The following KATNIP variants were observed in gnomAD, a reference collection of about 807,000 sequenced individuals.
KATNIP encodes the protein katanin-interacting protein.
Under a neutral mutation model 174.0 loss-of-function variants are expected in KATNIP, and 126 were observed. The observed-to-expected ratio is 0.72, with a 90% CI of 0.63 to 0.84. The LOEUF is 0.84. KATNIP is among the 40% of genes least tolerant of loss of function. The pLI is 0.00. For missense variants in KATNIP, 1,958 were observed against 2,109.7 expected, an observed-to-expected ratio of 0.93 and a Z score of 1.41; for synonymous variants, 810 against 835.7, an observed-to-expected ratio of 0.97 and a Z score of 0.53.
intron 3 of KATNIP, among the ~76,000 whole-genome samples, chr16:27,621,240 G>A (rs1343535998): frequency 6.6e-6 from 1 of 151,878 alleles, no homozygotes; most frequent in Admixed American, 6.6e-5. Context: ...CTATGATTAT[G>A]CCACTGCACT....
At chr16:27,642,301 CTATCGCAAGAACAA>C (rs754571103) in intron 5 of KATNIP, among the ~76,000 whole-genome samples, 51 of 152,126 alleles carry the variant, frequency 3.4e-4, no homozygotes, top group Non-Finnish European at 6.5e-4. Flanking sequence ...TCTCAGCAAA[CTATCGCAAGAACAA>C]AAAACCAAAC....
intron 1 of KATNIP, among the ~76,000 whole-genome samples, chr16:27,571,459 A>C (rs1438354710): frequency 6.6e-6 from 1 of 152,180 alleles, no homozygotes; most frequent in Non-Finnish European, 1.5e-5. Context: ...AAAAAAAAAA[A>C]AAACTATGGC....
intron 11 of KATNIP, among the ~76,000 whole-genome samples, chr16:27,701,917 T>A (rs569286766): frequency 1.3e-4 from 20 of 152,294 alleles, no homozygotes; most frequent in African/African-American, 4.3e-4. Flanking sequence ...CTCAGCCTCC[T>A]GAGTATCTGG....
intron 19 of KATNIP, among the ~76,000 whole-genome samples, chr16:27,763,619 CAAA>C (rs565418198): frequency 5.9e-5 from 3 of 50,700 alleles, no homozygotes; most frequent in East Asian, 6.4e-4. Context: ...TGTCTCAACA[CAAA>C]AAAAAAAAAA....
chr16:27,696,888 C>T (rs965323399), intron 8 of KATNIP, among the ~76,000 whole-genome samples: 7 of 152,020 alleles, frequency 4.6e-5, no homozygotes, highest in African/African-American at 1.7e-4. Flanking sequence ...GCCACTACAC[C>T]CAGCTAATTT....
chr16:27,607,946 G>A (rs1263664717), intron 2 of KATNIP, among the ~76,000 whole-genome samples: 1 of 152,086 alleles, frequency 6.6e-6, no homozygotes, highest in African/African-American at 2.4e-5. Context: ...TCTAAGTGAT[G>A]GTTCTCTGGT....
intron 14 of KATNIP, among the ~76,000 whole-genome samples, chr16:27,731,465 A>G (rs1236755553): frequency 6.6e-6 from 1 of 152,236 alleles, no homozygotes; most frequent in Non-Finnish European, 1.5e-5. Flanking sequence ...CAGCTCATTT[A>G]TTCTGCACAG....
At chr16:27,653,573 T>TTTTTAA (rs768211807) in intron 6 of KATNIP, among the ~76,000 whole-genome samples, 2,181 of 152,184 alleles carry the variant, frequency 0.014, 18 homozygotes, top group Non-Finnish European at 0.024. Flanking sequence ...ATAAATGACC[T>TTTTTAA]CTGAGTGGGT....
intron 3 of KATNIP, among the ~76,000 whole-genome samples, chr16:27,627,430 G>A (rs1269370684): frequency 6.6e-6 from 1 of 152,202 alleles, no homozygotes; most frequent in African/African-American, 2.4e-5. Flanking sequence ...GCTTTTGGCT[G>A]TGAGTTTGGT....
intron 15 of KATNIP, among the ~76,000 whole-genome samples, chr16:27,743,035 G>A (rs1198648403): frequency 6.6e-6 from 1 of 152,122 alleles, no homozygotes; most frequent in Admixed American, 6.6e-5. Context: ...ACAGGCCACA[G>A]TGTGTGATGT....
rs2075786147 is a variant in KATNIP, at chr16:27,608,432, A to G, written c.64-9993A>G. On this transcript the variant is annotated intron_variant, in intron 2 of 27. Coordinates refer to ENST00000261588, the MANE Select transcript of KATNIP (RefSeq NM_015202.5). The stretch of plus-strand genomic sequence containing the variant: ...TTTTTTTTTTTTTGTATTTTTGTAG[A>G]GATGGGGTCCTGCTATGTTGCCCAG... Among the ~76,000 whole-genome samples, 5 of 123,964 alleles carry G rather than the reference A, an allele frequency of 4.0e-5. 1 individual carries two copies. The Middle Eastern group carries it at 0.014, about 354-fold the overall frequency. The allele number at this position is 123,964 out of a possible 152,430, so 81.3% of individuals were successfully genotyped here. A position where few individuals can be genotyped will look rare whatever the true frequency, so the allele number is the denominator to read the frequency against.
chr16:27,597,660 G>A (rs184725670), intron 2 of KATNIP, among the ~76,000 whole-genome samples: 8 of 152,102 alleles, frequency 5.3e-5, no homozygotes, highest in East Asian at 1.9e-4. Flanking sequence ...AGGCACCTGC[G>A]TGGCTTTCTC....
intron 13 of KATNIP, among the ~76,000 whole-genome samples, chr16:27,715,040 A>G (rs2079864129): frequency 6.6e-6 from 1 of 152,248 alleles, no homozygotes; most frequent in South Asian, 2.1e-4. Flanking sequence ...CAATTTCAAA[A>G]CATACGCCAA....
At position 27,776,759 on chromosome 16, in the gene KATNIP, C is replaced by G. The variant is rs1035245728; in HGVS notation, c.4450-169C>G. ...AAATGCAGCCACACGTGACCTGACT[C>G]AAGATGGGCTTCGAGGAGATGAAAG... On this transcript the variant is annotated intron_variant, in intron 24 of 27. Transcript: ENST00000261588. This position sits in a 1 kb window ranked among gnomAD's most constrained non-coding sequence, Gnocchi z 4.7. The G allele has an allele frequency of 3.2e-6, 2 of 620,936 alleles. No individual in the cohort carries two copies. The highest frequency in any genetic ancestry group is 2.6e-5 in the Admixed American group (1 of 38,242). 38.5% of individuals were successfully genotyped at this position (620,936 alleles called of 1,614,324 possible).
At chr16:27,672,874 G>C in intron 6 of KATNIP, among the ~76,000 whole-genome samples, 1 of 152,294 alleles carries the variant, frequency 6.6e-6, no homozygotes, top group Middle Eastern at 3.4e-3. Context: ...GGGTCCTAAT[G>C]CCTCATCCAA....
intron 8 of KATNIP, among the ~76,000 whole-genome samples, chr16:27,697,324 AG>A (rs1766915411): frequency 6.6e-6 from 1 of 152,098 alleles, no homozygotes; most frequent in Non-Finnish European, 1.5e-5. Context: ...TCTATCTGTT[AG>A]ATTTTTACTT....
At chr16:27,762,867 C>G (rs1003525070) in intron 19 of KATNIP, among the ~76,000 whole-genome samples, 1 of 152,206 alleles carries the variant, frequency 6.6e-6, no homozygotes, top group Non-Finnish European at 1.5e-5. Flanking sequence ...ACGCACAGTG[C>G]GGCTTATGGA....
At chr16:27,687,131 T>C (rs971079029) in intron 8 of KATNIP, 1 of 152,244 alleles carries the variant, frequency 6.6e-6, no homozygotes, top group African/African-American at 2.4e-5. Context: ...TGTTGCCAGC[T>C]CTGCTCAGCT....
intron 5 of KATNIP, among the ~76,000 whole-genome samples, chr16:27,645,701 A>G (rs2076938394): frequency 6.6e-6 from 1 of 152,236 alleles, no homozygotes; most frequent in Non-Finnish European, 1.5e-5. Flanking sequence ...CATTCTCACA[A>G]GATGACTGCT....
Sources: allele counts gnomAD v4.1 joint callset (sites outside exome capture counted in the v4.1 genomes callset), GRCh38; gene constraint gnomAD v4.1.1; non-coding constraint Gnocchi (gnomAD v3.1); transcripts MANE v1.5; gene names NCBI Gene and HGNC (gene_info 2026-07-23, HGNC 2026-07-21).